The following SLC30A5 variants were observed in gnomAD, a reference collection of about 807,000 sequenced individuals.
SLC30A5 encodes the protein proton-coupled zinc antiporter SLC30A5.
A neutral mutation model predicts 79.6 loss-of-function variants in SLC30A5; 33 were observed. The observed-to-expected ratio is 0.41, with a 90% CI of 0.31 to 0.55. SLC30A5 has a LOEUF of 0.55. SLC30A5 is among the 20% of genes least tolerant of loss of function. The pLI, the probability that SLC30A5 is intolerant of heterozygous loss-of-function variation, is 0.20. For synonymous variants in SLC30A5, 299 were observed against 319.7 expected (o/e 0.94, Z 0.69); for missense variants, 788 against 928.1 (o/e 0.85, Z 1.96).
chr5:69,097,590 C>T (rs563974664), intron 1 of SLC30A5, among the ~76,000 whole-genome samples: 1 of 152,278 alleles, frequency 6.6e-6, no homozygotes, highest in South Asian at 2.1e-4. Context: ...ACCTCAGCCT[C>T]CCCAGTATGT....
Position 69,116,009 on chromosome 5 carries a change from T to G in SLC30A5, c.867T>G (p.Asp289Glu). The G allele has an allele frequency of 3.7e-6, 6 of 1,614,118 alleles. No individual in the cohort carries two copies. The highest frequency in any genetic ancestry group is 5.1e-6 in the Non-Finnish European group (6 of 1,179,980). The part of the protein sequence containing the change: ...FFVMILDFYV[D>E]SICSVKMEVS... Reference sequence around the variant, plus strand: ...TCATGATCCTGGATTTCTACGTGGATTCCATTTGTTCAGTCAAAATGGAAG... The same window carrying G: ...TCATGATCCTGGATTTCTACGTGGAGTCCATTTGTTCAGTCAAAATGGAAG... Residue 289 changes from aspartate (D) to glutamate (E), a missense_variant, in exon 9 of 16, where the codon GAT (aspartate) becomes GAG (glutamate). By Grantham distance (45) the Asp-to-Glu change is conservative. Coordinates refer to ENST00000396591, the MANE Select transcript of SLC30A5 (RefSeq NM_022902.5). The surrounding 1 kb of genome is among the most constrained non-coding windows in gnomAD (Gnocchi z 4.0).
In SLC30A5 at chr5:69,100,761, T is replaced by C. The variant is rs555842295; in HGVS notation, c.84-46T>C. On this transcript the variant is annotated intron_variant, in intron 1 of 15. Transcript: ENST00000396591. The stretch of plus-strand genomic sequence containing the variant: ...TAAAAAACCAGATTGATGAGCTGCT[T>C]GTAATTTCAGTGATACTAAAAATTG... 7.8e-5 allele frequency: 119 copies of C among 1,524,872 alleles called. No homozygotes were observed. The South Asian group carries it at 9.0e-4, about 12-fold the overall frequency. The allele number at this position is 1,524,872 out of a possible 1,614,324, so 94.5% of individuals were successfully genotyped here.
In SLC30A5 at chr5:69,115,959, C is replaced by A; in HGVS notation, c.817C>A (p.Pro273Thr). 2 of 1,613,114 alleles carry A rather than the reference C, an allele frequency of 1.2e-6. No individual in the cohort carries two copies. Among genetic ancestry groups the A allele is most frequent in the Non-Finnish European group, 1.7e-6 (2 of 1,179,594 alleles). The change falls in exon 9 of 16, where the codon CCT (proline) becomes ACT (threonine). Residue 273 changes from proline to threonine, a missense_variant. Physicochemically the swap from Pro to Thr is conservative, Grantham distance 38. Transcript: ENST00000396591. ...KVESWFSLIM[P>T]FATVIFFVMI... ...GGAGTCTTGGTTTTCTCTCATTATG[C>A]CTTTTGCAACGGTTATCTTTTTTGT...
chr5:69,122,169 G>T (rs1023725299), intron 13 of SLC30A5, among the ~76,000 whole-genome samples: 4 of 152,152 alleles, frequency 2.6e-5, no homozygotes, highest in African/African-American at 9.7e-5. Flanking sequence ...GGCTGAGGCG[G>T]GAGTACCACC....
intron 11 of SLC30A5, 21 bp from the exon 12 acceptor site, chr5:69,118,478 A>G (rs1177980672): frequency 1.3e-6 from 2 of 1,580,372 alleles, no homozygotes; most frequent in Admixed American, 1.9e-5. Flanking sequence ...TCCTTTTCTG[A>G]AAAATGTTCT....
chr5:69,129,322 C>T (rs534796448), intron 15 of SLC30A5, 125 bp from the exon 16 acceptor site: 11 of 624,632 alleles, frequency 1.8e-5, no homozygotes, highest in East Asian at 6.0e-5. Flanking sequence ...GATTTTAGAG[C>T]GTCTCAGATT....
chr5:69,095,595 T>C (rs2111915822), intron 1 of SLC30A5, among the ~76,000 whole-genome samples: 1 of 152,194 alleles, frequency 6.6e-6, no homozygotes, highest in East Asian at 1.9e-4. Context: ...TTCTAATCTA[T>C]TTTGAGCATC....
intron 4 of SLC30A5, among the ~76,000 whole-genome samples, chr5:69,107,656 T>C (rs1282851270): frequency 3.3e-5 from 5 of 152,084 alleles, no homozygotes; most frequent in African/African-American, 1.2e-4. Flanking sequence ...TATAATCTTA[T>C]GGCACCACCA....
chr5:69,119,977 C>T lies in SLC30A5; in HGVS notation c.1569+1349C>T, dbSNP rs538558972. Among the ~76,000 whole-genome samples the T allele has an allele frequency of 2.2e-3, 311 of 139,144 alleles. 1 individual carries two copies. The highest frequency in any genetic ancestry group is 8.5e-3 in the Middle Eastern group (2 of 234). 91.3% of individuals were successfully genotyped at this position (139,144 alleles called of 152,430 possible). ...GAGGCTTCAGTGAGCCCAGGTTGCA[C>T]CAACTGTACTCCAGCCTGGGTGATA... On this transcript the variant is annotated intron_variant, in intron 12 of 15. Transcript: ENST00000396591.
rs756019650 is a variant in SLC30A5, at chr5:69,117,268, C to T, written c.1311C>T (p.Gly437=). Residue 437 remains glycine, a synonymous_variant, in exon 11 of 16, where the codon GGC becomes GGT. Transcript: ENST00000396591. ...LLFTFVELFY[G]VLTNSLGLIS... ...TTACCTTTGTGGAATTATTCTATGG[C>T]GTGCTGACCAATAGTCTGGGCCTGA... 5.6e-6 allele frequency: 9 copies of T among 1,612,494 alleles called. No homozygotes were observed. Among genetic ancestry groups the T allele is most frequent in the East Asian group, 2.2e-5 (1 of 44,832 alleles).
intron 5 of SLC30A5, among the ~76,000 whole-genome samples, chr5:69,112,420 G>C (rs1423751224): frequency 6.6e-6 from 1 of 151,724 alleles, no homozygotes; most frequent in Non-Finnish European, 1.5e-5. Flanking sequence ...TTTTTCCTCA[G>C]CCTGAACAAC....
intron 8 of SLC30A5, 96 bp downstream of exon 8, chr5:69,115,503 AT>A: frequency 9.7e-7 from 1 of 1,035,394 alleles, no homozygotes. Context: ...TTATATTTTA[AT>A]TTGAGGTTGA....
rs1746533004 is a variant in SLC30A5, at chr5:69,121,567, T to A, written c.1570-127T>A. ...AAATTTTGGACTTACTGAAACTTAG[T>A]AAGGTTTTACTGTGAATACTTTCAA... On this transcript the variant is annotated intron_variant, in intron 12 of 15. Transcript: ENST00000396591. 4.7e-6 allele frequency: 3 copies of A among 632,538 alleles called. No homozygotes were observed. The Admixed American group carries it at 1.1e-4, about 23-fold the overall frequency. 39.2% of individuals were successfully genotyped at this position (632,538 alleles called of 1,614,324 possible). A position where few individuals can be genotyped will look rare whatever the true frequency, so the allele number is the denominator to read the frequency against.
chr5:69,123,581 CA>C (rs1746594334), intron 14 of SLC30A5, 156 bp downstream of exon 14: 2 of 608,038 alleles, frequency 3.3e-6, no homozygotes. Flanking sequence ...GTTGACCTAA[CA>C]AGAAATATGC....
At chr5:69,121,610 C>A in intron 12 of SLC30A5, 84 bp from the exon 13 acceptor site, 1 of 943,912 alleles carries the variant, frequency 1.1e-6, no homozygotes, top group Non-Finnish European at 1.5e-6. Context: ...AACAGAAAAA[C>A]ATATATAGCT....
At chr5:69,122,070 T>C (rs1408561275) in intron 13 of SLC30A5, among the ~76,000 whole-genome samples, 175 bp downstream of exon 13, 1 of 152,190 alleles carries the variant, frequency 6.6e-6, no homozygotes, top group Non-Finnish European at 1.5e-5. Context: ...TGAATACACA[T>C]AAAATTAAAT....
At chr5:69,110,314 T>A (rs1188091063) in intron 5 of SLC30A5, among the ~76,000 whole-genome samples, 2 of 152,000 alleles carry the variant, frequency 1.3e-5, no homozygotes, top group African/African-American at 4.8e-5. Flanking sequence ...TTCCTAGACA[T>A]AAAGGAAAGG....
chr5:69,115,438 A>C, intron 8 of SLC30A5, 31 bp downstream of exon 8: 1 of 1,534,768 alleles, frequency 6.5e-7, no homozygotes, highest in East Asian at 2.3e-5. Context: ...TATTGGTATT[A>C]AATTGCTAGT....
chr5:69,102,933 G>A, intron 2 of SLC30A5, 129 bp from the exon 3 acceptor site: 1 of 451,318 alleles, frequency 2.2e-6, no homozygotes, highest in Non-Finnish European at 4.0e-6. Context: ...TAATTCTCCA[G>A]TATGATTTAT....
Sources: allele counts gnomAD v4.1 joint callset (sites outside exome capture counted in the v4.1 genomes callset), GRCh38; gene constraint gnomAD v4.1.1; non-coding constraint Gnocchi (gnomAD v3.1); transcripts MANE v1.5; gene names NCBI Gene and HGNC (gene_info 2026-07-23, HGNC 2026-07-21).